NTRK3: variants seen among roughly 807,000 people sequenced by gnomAD.
NTRK3 encodes NT-3 growth factor receptor.
NTRK3 carries 24 observed loss-of-function variants against 91.7 expected under a neutral mutation model. The ratio of observed to expected loss-of-function variants is 0.26; its 90% CI spans 0.19 to 0.37. The LOEUF (loss-of-function observed/expected upper bound fraction) is 0.37, where lower values mean the gene tolerates loss of function less well. Among genes scored for constraint, NTRK3 ranks in the 10% least tolerant of loss-of-function variants. The pLI is 1.00. For synonymous variants in NTRK3, 483 were observed against 404.0 expected (o/e 1.20, Z -2.34); for missense variants, 880 against 1,068.9 (o/e 0.82, Z 2.46).
chr15:87,934,226 C>T (rs1407654251), intron 15 of NTRK3, among the ~76,000 whole-genome samples: 1 of 152,164 alleles, frequency 6.6e-6, no homozygotes, highest in Non-Finnish European at 1.5e-5. Context: ...CCGATTTCTC[C>T]AGCCTCTCCA....
intron 17 of NTRK3, among the ~76,000 whole-genome samples, chr15:87,887,764 G>A (rs1266347663): frequency 6.6e-6 from 1 of 152,130 alleles, no homozygotes; most frequent in Non-Finnish European, 1.5e-5. Flanking sequence ...ACAGTAATAT[G>A]AACAATAAGA....
At chr15:87,887,649 G>C (rs1360400354) in intron 17 of NTRK3, among the ~76,000 whole-genome samples, 1 of 152,126 alleles carries the variant, frequency 6.6e-6, no homozygotes, top group East Asian at 1.9e-4. Context: ...CCATTCTCTG[G>C]AGAGACCCTG....
At position 88,234,216 on chromosome 15, in the gene NTRK3, C is replaced by T. The variant is rs990804629; in HGVS notation, c.248+21690G>A. Among the ~76,000 whole-genome samples the T allele has an allele frequency of 2.0e-5, 3 of 152,134 alleles. No homozygotes were observed. Among genetic ancestry groups the T allele is most frequent in the East Asian group, 1.9e-4 (1 of 5,182 alleles). ...CTCAGGATCCAAGGTTGTCTCTCAT[C>T]GCCCCCCGCTCGACCTTCAAAAAGC... On this transcript the variant is annotated intron_variant, in intron 3 of 18. Coordinates refer to ENST00000394480, the Ensembl canonical transcript of NTRK3. The surrounding 1 kb of genome is among the most constrained non-coding windows in gnomAD (Gnocchi z 6.1).
intron 3 of NTRK3, among the ~76,000 whole-genome samples, chr15:88,250,133 C>T (rs531893015): frequency 6.0e-4 from 91 of 152,326 alleles, no homozygotes; most frequent in African/African-American, 2.1e-3. Context: ...TAGCCCCTCA[C>T]ATTTCTGTCT....
chr15:88,051,865 A>C (rs566551763), intron 13 of NTRK3, among the ~76,000 whole-genome samples: 7 of 152,254 alleles, frequency 4.6e-5, no homozygotes, highest in Non-Finnish European at 1.0e-4. Flanking sequence ...TATATGCCCT[A>C]AAGTCTTCCA....
At chr15:88,010,714 T>A (rs2076817825) in intron 14 of NTRK3, among the ~76,000 whole-genome samples, 1 of 151,886 alleles carries the variant, frequency 6.6e-6, no homozygotes, top group Non-Finnish European at 1.5e-5. Flanking sequence ...AAATGTATTT[T>A]TACCTCTAGC....
chr15:88,044,254 C>A, intron 13 of NTRK3, among the ~76,000 whole-genome samples: 1 of 78,510 alleles, frequency 1.3e-5, no homozygotes, highest in East Asian at 4.1e-4. Context: ...AGTCTATGTT[C>A]TTTTTTTTTT....
In NTRK3 at chr15:88,177,492, A is replaced by G. The variant is rs139269224; in HGVS notation, c.395+5926T>C. Among the ~76,000 whole-genome samples the G allele has an allele frequency of 2.1e-4, 32 of 152,344 alleles. No homozygotes were observed. The East Asian group carries it at 6.2e-3, about 29-fold the overall frequency. Reference sequence around the variant, plus strand: ...ATTTATTAAACTGAATGTCAGAAGAAGGGAGTAGGCAGGTAAAGGAAAGAG... The same window carrying G: ...ATTTATTAAACTGAATGTCAGAAGAGGGGAGTAGGCAGGTAAAGGAAAGAG... On this transcript the variant is annotated intron_variant, in intron 5 of 18. Transcript: ENST00000394480.
At chr15:87,931,494 C>T (rs970281036) in intron 16 of NTRK3, among the ~76,000 whole-genome samples, 7 of 152,140 alleles carry the variant, frequency 4.6e-5, no homozygotes, top group East Asian at 1.9e-4. Context: ...GCAACAACCC[C>T]GTGAAGCAGT....
At chr15:88,074,269 A>G (rs2047344023) in intron 13 of NTRK3, among the ~76,000 whole-genome samples, 1 of 152,244 alleles carries the variant, frequency 6.6e-6, no homozygotes, top group Non-Finnish European at 1.5e-5. Flanking sequence ...GGAAAGAACC[A>G]GGTGGCCTCT....
At chr15:87,998,658 T>G in intron 14 of NTRK3, among the ~76,000 whole-genome samples, 1 of 152,204 alleles carries the variant, frequency 6.6e-6, no homozygotes, top group East Asian at 1.9e-4. Context: ...ACTTATTTAA[T>G]CAGAATCTTT....
At chr15:88,029,943 T>C (rs533263684) in intron 14 of NTRK3, among the ~76,000 whole-genome samples, 2 of 152,308 alleles carry the variant, frequency 1.3e-5, no homozygotes, top group African/African-American at 4.8e-5. Flanking sequence ...ACCAAAGGAT[T>C]AGCAGAGGGA....
intron 7 of NTRK3, 142 bp from the exon 8 acceptor site, chr15:88,136,751 G>A (rs957102712): frequency 2.4e-5 from 24 of 984,880 alleles, no homozygotes; most frequent in Admixed American, 1.2e-4. Flanking sequence ...TGGAAGACCC[G>A]CAAATCCAAG....
At chr15:87,967,806 G>A (rs1184393749) in intron 14 of NTRK3, among the ~76,000 whole-genome samples, 1 of 152,178 alleles carries the variant, frequency 6.6e-6, no homozygotes, top group Admixed American at 6.5e-5. Flanking sequence ...AACATGCATG[G>A]TTGTAGCCAG....
intron 3 of NTRK3, among the ~76,000 whole-genome samples, chr15:88,197,234 C>A (rs555676484): frequency 6.7e-6 from 1 of 148,676 alleles, no homozygotes; most frequent in Non-Finnish European, 1.5e-5. Context: ...GAGGTCTTTT[C>A]TTTCTCAGAT....
chr15:88,087,708 C>T (rs1373826381), intron 13 of NTRK3, among the ~76,000 whole-genome samples: 1 of 152,162 alleles, frequency 6.6e-6, no homozygotes, highest in African/African-American at 2.4e-5. Context: ...ACAGTGGTGG[C>T]GATTTCACTG....
At chr15:88,219,008 T>G (rs1239259784) in intron 3 of NTRK3, among the ~76,000 whole-genome samples, 1 of 152,218 alleles carries the variant, frequency 6.6e-6, no homozygotes, top group Non-Finnish European at 1.5e-5. Flanking sequence ...GGATGACAGA[T>G]GCCATAGCAA....
rs192411180 is a variant in NTRK3, at chr15:87,916,523, T to C, written c.2133+12668A>G. 7.1e-6 allele frequency: 5 copies of C among 702,352 alleles called. No homozygotes were observed. In the East Asian group the frequency reaches 1.3e-4, roughly 19 times the overall value. The allele number at this position is 702,352 out of a possible 1,614,324, so 43.5% of individuals were successfully genotyped here. A position where few individuals can be genotyped will look rare whatever the true frequency, so the allele number is the denominator to read the frequency against. ...ATTTTCTTATGGGGCATCTTCCCCGTCTTTTTTCCCCAGTATCAGTCCTCA... is the reference window on the plus strand; with the variant it reads ...ATTTTCTTATGGGGCATCTTCCCCGCCTTTTTTCCCCAGTATCAGTCCTCA... On this transcript the variant is annotated intron_variant, in intron 17 of 18. Coordinates refer to ENST00000394480, the Ensembl canonical transcript of NTRK3.
At chr15:88,176,967 G>A (rs2046056540) in intron 5 of NTRK3, among the ~76,000 whole-genome samples, 1 of 152,216 alleles carries the variant, frequency 6.6e-6, no homozygotes, top group Non-Finnish European at 1.5e-5. Context: ...TGCTAAGAAA[G>A]TAGCATTTGG....
Sources: gnomAD v4.1 joint callset for allele counts (sites outside exome capture counted in the v4.1 genomes callset) on GRCh38, gnomAD v4.1.1 for gene constraint, Gnocchi (gnomAD v3.1) non-coding constraint, MANE v1.5 for transcripts, NCBI Gene and HGNC (gene_info 2026-07-23, HGNC 2026-07-21) for gene names.